The following TMC3 variants were observed in gnomAD, a reference collection of about 807,000 sequenced individuals.
TMC3 encodes the protein transmembrane channel-like protein 3.
TMC3 carries 98 observed loss-of-function variants against 110.6 expected under a neutral mutation model. The ratio of observed to expected loss-of-function variants is 0.89; its 90% CI spans 0.75 to 1.05. The LOEUF is 1.05. Among genes scored for constraint, TMC3 ranks in the 50% least tolerant of loss-of-function variants. The pLI is 0.00. For synonymous variants in TMC3, 489 were observed against 513.1 expected (o/e 0.95, Z 0.63); for missense variants, 1,319 against 1,373.2 (o/e 0.96, Z 0.62).
At chr15:81,356,003 AT>A (rs1023740293) in intron 8 of TMC3, among the ~76,000 whole-genome samples, 5 of 151,932 alleles carry the variant, frequency 3.3e-5, no homozygotes, top group East Asian at 1.9e-4. Flanking sequence ...ATCTAAGTAG[AT>A]TTTTTTTCTC....
intron 9 of TMC3, among the ~76,000 whole-genome samples, chr15:81,354,589 G>A (rs1894018877): frequency 1.3e-5 from 2 of 152,168 alleles, no homozygotes; most frequent in Non-Finnish European, 2.9e-5. Flanking sequence ...CAAACAGCGG[G>A]TACGAGCAAG....
Position 81,344,059 on chromosome 15 carries a change from C to A in TMC3, c.1519-14G>T. The A allele has an allele frequency of 6.2e-7, 1 of 1,601,368 alleles. No individual in the cohort carries two copies. The highest frequency in any genetic ancestry group is 8.5e-7 in the Non-Finnish European group (1 of 1,175,608). On this transcript the variant is annotated splice_polypyrimidine_tract_variant and intron_variant, in intron 13 of 21. Coordinates refer to ENST00000359440, the MANE Select transcript of TMC3 (RefSeq NM_001080532.3). ...CTTCAGCATCTCCTGAAACACAGGG[C>A]GTCCCTGGATGCCACCATGCCCCAC...
intron 10 of TMC3, 147 bp from the exon 11 acceptor site, chr15:81,349,714 T>G: frequency 4.6e-6 from 2 of 430,972 alleles, no homozygotes; most frequent in Non-Finnish European, 4.0e-6. Flanking sequence ...CCCAAATCTC[T>G]GCTAATTAAC....
intron 11 of TMC3, among the ~76,000 whole-genome samples, chr15:81,347,288 T>C (rs1382733741): frequency 1.3e-5 from 2 of 152,174 alleles, no homozygotes; most frequent in Non-Finnish European, 2.9e-5. Context: ...AGAAAGTTGA[T>C]GGGAAAGCAT....
Position 81,338,737 on chromosome 15 carries a change from T to C in TMC3, c.1999A>G (p.Lys667Glu), listed in dbSNP as rs777584430. ...GAGCCAAACCACACAGGAAAGTCTTTCTCAATCGTTTCTGACACAATGTCA... is the reference window on the plus strand; with the variant it reads ...GAGCCAAACCACACAGGAAAGTCTTCCTCAATCGTTTCTGACACAATGTCA... ...IYDIVSETIEKDFPVWFGSVV... is the reference protein window; with the variant it reads ...IYDIVSETIEEDFPVWFGSVV... Residue 667 changes from lysine (K) to glutamate (E), a missense_variant, in exon 18 of 22, where the codon AAA becomes GAA. By Grantham distance (56) the Lys-to-Glu change is moderately conservative (BLOSUM62 1). Coordinates refer to ENST00000359440, the MANE Select transcript of TMC3 (RefSeq NM_001080532.3). The C allele has an allele frequency of 2.3e-5, 37 of 1,613,858 alleles. No individual in the cohort carries two copies. The highest frequency in any genetic ancestry group is 3.1e-5 in the Non-Finnish European group (36 of 1,179,876).
At position 81,362,207 on chromosome 15, in the gene TMC3, T is replaced by G; in HGVS notation, c.394+13A>C. 6.3e-7 allele frequency: 1 copy of G among 1,596,044 alleles called. No homozygotes were observed. The highest frequency in any genetic ancestry group is 8.5e-7 in the Non-Finnish European group (1 of 1,169,954). On this transcript the variant is annotated intron_variant, in intron 4 of 21. Coordinates refer to ENST00000359440, the MANE Select transcript of TMC3 (RefSeq NM_001080532.3). ...TTGCATTCCTGCCCCACTCTCCAGGTGTAAATACTTACTCTCGATTTTCTT... is the reference window on the plus strand; with the variant it reads ...TTGCATTCCTGCCCCACTCTCCAGGGGTAAATACTTACTCTCGATTTTCTT...
rs1703966109 is a variant in TMC3, at chr15:81,338,002, G to A, written c.2082-78C>T. 4 of 1,194,070 alleles carry A rather than the reference G, an allele frequency of 3.3e-6. 1 individual carries two copies. The South Asian group carries it at 4.9e-5, about 15-fold the overall frequency. 74.0% of individuals were successfully genotyped at this position (1,194,070 alleles called of 1,614,324 possible). A position where few individuals can be genotyped will look rare whatever the true frequency, so the allele number is the denominator to read the frequency against. ...TTTCAGACCACATTCCCTGCAGATA[G>A]TTGGCAGGAATGAGAGGCTCCCAGG... is the stretch of plus-strand genomic sequence containing the variant. On this transcript the variant is annotated intron_variant, in intron 18 of 21. Transcript: ENST00000359440.
In TMC3 at chr15:81,349,487, G is replaced by A; in HGVS notation, c.1164C>T (p.Pro388=). The A allele has an allele frequency of 1.3e-6, 2 of 1,552,248 alleles. No homozygotes were observed. Among genetic ancestry groups the A allele is most frequent in the Non-Finnish European group, 1.7e-6 (2 of 1,148,778 alleles). Residue 388 remains proline (P), a synonymous_variant, in exon 11 of 22, where the codon CCC becomes CCT. Transcript: ENST00000359440. The part of the protein sequence containing the change: ...DLIAALEMYH[P]RTTLRFQLAR... ...CAAGCTGGAAGCGCAGCGTGGTCCTGGGGTGGTACATCTCTAAGGCAGCAA... is the reference window on the plus strand; with the variant it reads ...CAAGCTGGAAGCGCAGCGTGGTCCTAGGGTGGTACATCTCTAAGGCAGCAA...
In TMC3 at chr15:81,332,822, C is replaced by T. The variant is rs1423516565; in HGVS notation, c.2900G>A (p.Arg967His). 3 of 1,612,564 alleles carry T rather than the reference C, an allele frequency of 1.9e-6. No homozygotes were observed. Among genetic ancestry groups the T allele is most frequent in the Non-Finnish European group, 1.7e-6 (2 of 1,179,472 alleles). The part of the protein sequence containing the change: ...SLPPRSLIDL[R>H]RAPHFYIGER... ...CCCAATATAAAAATGAGGAGCCCGA[C>T]GGAGGTCTATCAGGGAGCGTGGGGG... is the stretch of plus-strand genomic sequence containing the variant. Residue 967 changes from arginine to histidine, a missense_variant, in exon 22 of 22, where the codon CGT becomes CAT. Coordinates refer to ENST00000359440, the MANE Select transcript of TMC3 (RefSeq NM_001080532.3).
At position 81,356,475 on chromosome 15, in the gene TMC3, T is replaced by C. The variant is rs1241600187; in HGVS notation, c.863A>G (p.Lys288Arg). The C allele has an allele frequency of 2.6e-6, 4 of 1,568,154 alleles. No individual in the cohort carries two copies. The South Asian group carries it at 4.7e-5, about 18-fold the overall frequency. ...GATGCTGTTCACTATGGCAGCTGTTTTGCTCTCTGCAGCCTCTGGGTTTCC... is the reference window on the plus strand; with the variant it reads ...GATGCTGTTCACTATGGCAGCTGTTCTGCTCTCTGCAGCCTCTGGGTTTCC... Reference protein sequence around the residue: ...LIGNPEAAESKTAAIVNSIRE... With the variant: ...LIGNPEAAESRTAAIVNSIRE... Residue 288 changes from lysine to arginine, a missense_variant, in exon 8 of 22, where the codon AAA (lysine) becomes AGA (arginine). By Grantham distance (26) the Lys-to-Arg change is conservative (BLOSUM62 2). Transcript: ENST00000359440.
At chr15:81,370,030 G>T (rs1461115020) in intron 2 of TMC3, among the ~76,000 whole-genome samples, 2 of 152,158 alleles carry the variant, frequency 1.3e-5, no homozygotes, top group Admixed American at 1.3e-4. Context: ...AGAGACAGTG[G>T]GTGTGACAAG....
In TMC3 at chr15:81,358,295, C is replaced by A; in HGVS notation, c.601-4G>T. ...GGACAGAGTACTGGAGGTAGCCCTG[C>A]AAAGAAAACACTCAGTGTCATTTCT... On this transcript the variant is annotated splice_region_variant and splice_polypyrimidine_tract_variant and intron_variant, in intron 6 of 21. Coordinates refer to ENST00000359440, the MANE Select transcript of TMC3 (RefSeq NM_001080532.3). The A allele has an allele frequency of 6.2e-7, 1 of 1,602,714 alleles. No homozygotes were observed.
chr15:81,370,680 CTTT>C (rs10676279), intron 2 of TMC3, among the ~76,000 whole-genome samples: 5 of 139,264 alleles, frequency 3.6e-5, no homozygotes, highest in Middle Eastern at 3.4e-3. Context: ...GAAACTATTT[CTTT>C]TTTTTTTTTT....
intron 3 of TMC3, among the ~76,000 whole-genome samples, chr15:81,367,050 G>T (rs779532640): frequency 1.3e-5 from 2 of 151,982 alleles, no homozygotes; most frequent in Non-Finnish European, 2.9e-5. Flanking sequence ...CCAAACAATG[G>T]ACCACAGTCT....
At chr15:81,358,966 C>G (rs935870318) in intron 5 of TMC3, among the ~76,000 whole-genome samples, 1 of 152,088 alleles carries the variant, frequency 6.6e-6, no homozygotes, top group African/African-American at 2.4e-5. Context: ...GCTGGTTGGC[C>G]AAATCCAACC....
Position 81,341,501 on chromosome 15 carries a change from G to A in TMC3, c.1733C>T (p.Ser578Phe). ...QGMIWMGAFF[S>F]PCLPAFNVLK... ...AACGTTGAACGCTGGGAGACATGGG[G>A]AGAAGAAGGCCCCCATCCTGGAACC... The change falls in exon 16 of 22, where the codon TCC (serine) becomes TTC (phenylalanine). Residue 578 changes from serine (S) to phenylalanine (F), a missense_variant. Physicochemically the swap from Ser to Phe is radical, Grantham distance 155. Coordinates refer to ENST00000359440, the MANE Select transcript of TMC3 (RefSeq NM_001080532.3). 6.2e-7 allele frequency: 1 copy of A among 1,610,658 alleles called. No homozygotes were observed.
At position 81,334,931 on chromosome 15, in the gene TMC3, C is replaced by T. The variant is rs776500255; in HGVS notation, c.2248G>A (p.Asp750Asn). ...GACAGCTGGCTGGTAAGATCACTGTCGTTTGGAAGCTTCTTGGTGCTTTCT... is the reference window on the plus strand; with the variant it reads ...GACAGCTGGCTGGTAAGATCACTGTTGTTTGGAAGCTTCTTGGTGCTTTCT... ...QEESTKKLPN[D>N]SDLTSQLSSA... Residue 750 changes from aspartate (D) to asparagine (N), a missense_variant, in exon 21 of 22, where the codon GAC (aspartate) becomes AAC (asparagine). Physicochemically the swap from Asp to Asn is conservative, Grantham distance 23. Coordinates refer to ENST00000359440, the MANE Select transcript of TMC3 (RefSeq NM_001080532.3). 141 of 1,613,830 alleles carry T rather than the reference C, an allele frequency of 8.7e-5. No individual in the cohort carries two copies. The highest frequency in any genetic ancestry group is 1.8e-4 in the Admixed American group (11 of 59,994).
chr15:81,334,910 G>C lies in TMC3; in HGVS notation c.2269C>G (p.Leu757Val). Residue 757 changes from leucine to valine, a missense_variant, in exon 21 of 22, where the codon CTG becomes GTG. Transcript: ENST00000359440. Reference protein sequence around the residue: ...LPNDSDLTSQLSSAHSGTPQN... With the variant: ...LPNDSDLTSQVSSAHSGTPQN... ...GGTGTGCCCGAGTGCGCTGAGGACA[G>C]CTGGCTGGTAAGATCACTGTCGTTT... 6.2e-7 allele frequency: 1 copy of C among 1,614,070 alleles called. No homozygotes were observed. Among genetic ancestry groups the C allele is most frequent in the Non-Finnish European group, 8.5e-7 (1 of 1,179,910 alleles).
intron 21 of TMC3, among the ~76,000 whole-genome samples, chr15:81,333,505 C>T (rs1893521870): frequency 1.3e-5 from 2 of 152,122 alleles, no homozygotes; most frequent in South Asian, 2.1e-4. Context: ...GACTGCAGAG[C>T]GAGGGGTGTT....
Sources: gnomAD v4.1 joint callset for allele counts (sites outside exome capture counted in the v4.1 genomes callset) on GRCh38, gnomAD v4.1.1 for gene constraint, MANE v1.5 for transcripts, NCBI Gene and HGNC (gene_info 2026-07-23, HGNC 2026-07-21) for gene names.